Variants in RBPJ observed in about 807,000 individuals in gnomAD.
RBPJ encodes recombination signal binding protein for immunoglobulin kappa J region.
Under a neutral mutation model 67.8 loss-of-function variants are expected in RBPJ, and 9 were observed. The observed-to-expected ratio is 0.13, with a 90% CI of 0.08 to 0.23. RBPJ has a LOEUF of 0.23. Ranked by LOEUF, RBPJ falls within the 10% of genes least tolerant of loss-of-function variation. The pLI is 1.00. For synonymous variants in RBPJ, 198 were observed against 203.3 expected (o/e 0.97, Z 0.22); for missense variants, 305 against 595.6 (o/e 0.51, Z 5.08).
chr4:26,146,398 C>T, the RBPJ span, among the ~76,000 whole-genome samples: 67 of 152,264 alleles, frequency 4.4e-4, no homozygotes, highest in Non-Finnish European at 2.6e-4. Context: ...TAACTCAAAT[C>T]GGATCATAGA....
chr4:26,394,415 A>G (rs920521962), intron 2 of RBPJ, among the ~76,000 whole-genome samples: 1 of 151,522 alleles, frequency 6.6e-6, no homozygotes, highest in Non-Finnish European at 1.5e-5. Flanking sequence ...GGACGTCCCA[A>G]TCTCTTGAAA....
chr4:26,364,304 A>C (rs1728376402), intron 1 of RBPJ, among the ~76,000 whole-genome samples: 1 of 152,264 alleles, frequency 6.6e-6, no homozygotes, highest in African/African-American at 2.4e-5. Flanking sequence ...GATCTAATCA[A>C]GTTCCAAGAT....
chr4:26,244,311 G>A lies in RBPJ; in HGVS notation c.-167+80697G>A, dbSNP rs868000192. On this transcript the variant is annotated intron_variant, in intron 1 of 4. Transcript: ENST00000512351. Reference sequence around the variant, plus strand: ...TGTATACACATATGTGTACACATATGTGTGTATATGTATACACATATGTGT... The same window carrying A: ...TGTATACACATATGTGTACACATATATGTGTATATGTATACACATATGTGT... Among the ~76,000 whole-genome samples the A allele has an allele frequency of 5.3e-4, 71 of 132,946 alleles. 7 individuals are homozygous for A. Among genetic ancestry groups the A allele is most frequent in the East Asian group, 2.3e-3 (10 of 4,440 alleles). 87.2% of individuals were successfully genotyped at this position (132,946 alleles called of 152,430 possible). A position where few individuals can be genotyped will look rare whatever the true frequency, so the allele number is the denominator to read the frequency against.
intron 1 of RBPJ, chr4:26,342,998 GTC>G (rs1201169201): frequency 1.3e-5 from 2 of 152,238 alleles, no homozygotes; most frequent in African/African-American, 2.4e-5. Flanking sequence ...TCATTTTAAA[GTC>G]TCTGCTGTCA....
At chr4:26,285,072 A>G (rs1012146094) in intron 1 of RBPJ, among the ~76,000 whole-genome samples, 12 of 151,548 alleles carry the variant, frequency 7.9e-5, no homozygotes, top group African/African-American at 2.9e-4. Context: ...GGCCAGGCTG[A>G]TCTCGAACTC....
intron 1 of RBPJ, among the ~76,000 whole-genome samples, chr4:26,249,779 C>CT (rs572993839): frequency 4.1e-4 from 59 of 143,144 alleles, no homozygotes; most frequent in East Asian, 1.2e-3. Context: ...AGAACTTTCT[C>CT]TTTTTTTTTT....
intron 1 of RBPJ, among the ~76,000 whole-genome samples, chr4:26,263,973 T>C (rs6448443): frequency 0.99 from 150,464 of 152,042 alleles, 74,455 homozygotes; most frequent in Middle Eastern, 1. Context: ...CTCCCAGGTT[T>C]AAGCGATTCT....
At chr4:26,339,401 A>G (rs1458460731) in intron 1 of RBPJ, among the ~76,000 whole-genome samples, 6 of 152,172 alleles carry the variant, frequency 3.9e-5, no homozygotes, top group Non-Finnish European at 8.8e-5. Flanking sequence ...TGGGAGGCCA[A>G]GGCGAGCTGA....
intron 1 of RBPJ, among the ~76,000 whole-genome samples, chr4:26,229,851 T>C (rs1560220152): frequency 6.6e-6 from 1 of 152,172 alleles, no homozygotes; most frequent in African/African-American, 2.4e-5. Context: ...AGAGGCCACA[T>C]GTTTGACAGC....
At chr4:26,253,552 C>T (rs546976478) in intron 1 of RBPJ, among the ~76,000 whole-genome samples, 1 of 151,434 alleles carries the variant, frequency 6.6e-6, no homozygotes, top group South Asian at 2.1e-4. Flanking sequence ...ACCTCGTGAT[C>T]CGCCCGCCTC....
chr4:26,141,888 C>G, the RBPJ span, among the ~76,000 whole-genome samples: 22 of 152,204 alleles, frequency 1.4e-4, no homozygotes, highest in African/African-American at 4.6e-4. Flanking sequence ...CCCCTTCCCC[C>G]AAAAGAAGCA....
At chr4:26,272,899 A>T (rs1371401767) in intron 1 of RBPJ, 1 of 243,508 alleles carries the variant, frequency 4.1e-6, no homozygotes, top group Admixed American at 5.0e-5. Context: ...GAACTCTGCA[A>T]CTCTCAAGCA....
chr4:26,195,523 C>T (rs950413350), intron 1 of RBPJ, among the ~76,000 whole-genome samples: 1 of 152,066 alleles, frequency 6.6e-6, no homozygotes, highest in Non-Finnish European at 1.5e-5. Flanking sequence ...TTTACTTCTC[C>T]CCTTTCTCAG....
At chr4:26,426,650 A>T (rs1735701298) in intron 7 of RBPJ, among the ~76,000 whole-genome samples, 1 of 152,184 alleles carries the variant, frequency 6.6e-6, no homozygotes. Flanking sequence ...TAATAAAGGG[A>T]TAGAGAATTG....
intron 1 of RBPJ, among the ~76,000 whole-genome samples, chr4:26,210,565 CA>C (rs1233207312): frequency 2.0e-5 from 3 of 152,120 alleles, no homozygotes; most frequent in Non-Finnish European, 4.4e-5. Flanking sequence ...ATTTTTATTT[CA>C]AATATCAATG....
At chr4:26,121,236 G>T in the RBPJ span, among the ~76,000 whole-genome samples, 42,087 of 151,854 alleles carry the variant, frequency 0.28, 6,222 homozygotes, top group Non-Finnish European at 0.31. Context: ...AAGCCAGTGG[G>T]CTGCCCTGCT....
At chr4:26,209,605 C>CTCCCCCTCCCTTCCTCCTTCCCTG (rs1718298989) in intron 1 of RBPJ, among the ~76,000 whole-genome samples, 1 of 70,792 alleles carries the variant, frequency 1.4e-5, no homozygotes, top group Non-Finnish European at 3.1e-5. Context: ...CTCCTTCCCT[C>CTCCCCCTCCCTTCCTCCTTCCCTG]TCTCCCTCCC....
chr4:26,252,225 C>A (rs73245745), intron 1 of RBPJ, among the ~76,000 whole-genome samples: 2 of 151,822 alleles, frequency 1.3e-5, no homozygotes, highest in Non-Finnish European at 2.9e-5. Context: ...CATCATCCAC[C>A]GCCCTCCCAC....
chr4:26,366,730 A>G (rs1198421006), intron 1 of RBPJ, among the ~76,000 whole-genome samples: 1 of 152,038 alleles, frequency 6.6e-6, no homozygotes, highest in Non-Finnish European at 1.5e-5. Flanking sequence ...TGTCTTGGTA[A>G]ATATTTAAAG....
Sources: allele counts gnomAD v4.1 joint callset (sites outside exome capture counted in the v4.1 genomes callset), GRCh38; gene constraint gnomAD v4.1.1; transcripts MANE v1.5; gene names NCBI Gene and HGNC (gene_info 2026-07-23, HGNC 2026-07-21).